The following MBOAT7 variants were observed in gnomAD, a reference collection of about 807,000 sequenced individuals.
The protein encoded by MBOAT7 is membrane-bound acylglycerophosphatidylinositol O-acyltransferase MBOAT7.
A neutral mutation model predicts 47.4 loss-of-function variants in MBOAT7; 40 were observed. The ratio of observed to expected loss-of-function variants is 0.84; its 90% CI spans 0.66 to 1.10. The LOEUF (loss-of-function observed/expected upper bound fraction) is 1.10, where lower values mean the gene tolerates loss of function less well. Among genes scored for constraint, MBOAT7 ranks in the 50% least tolerant of loss-of-function variants. MBOAT7 has a pLI of 0.00. For synonymous variants in MBOAT7, 361 were observed against 292.0 expected, an observed-to-expected ratio of 1.24 and a Z score of -2.41; for missense variants, 680 against 655.6, an observed-to-expected ratio of 1.04 and a Z score of -0.41.
chr19:54,181,071 G>A lies in MBOAT7; in HGVS notation c.556C>T (p.Pro186Ser). 1 of 1,530,276 alleles carries A rather than the reference G, an allele frequency of 6.5e-7. No individual in the cohort carries two copies. The highest frequency in any genetic ancestry group is 8.8e-7 in the Non-Finnish European group (1 of 1,138,508). The allele number at this position is 1,530,276 out of a possible 1,614,324, so 94.8% of individuals were successfully genotyped here. ...CGGCGCAGCAGGGGCCGCAGGCTGG[G>A]CACTGCCCCGGGGAAGGGCTGCTCC... ...WLEQPFPGAV[P>S]SLRPLLRRAW... Residue 186 changes from proline to serine, a missense_variant, in exon 6 of 8, where the codon CCC (proline) becomes TCC (serine). Coordinates refer to ENST00000245615, the MANE Select transcript of MBOAT7 (RefSeq NM_024298.5).
At position 54,180,462 on chromosome 19, in the gene MBOAT7, G is replaced by C; in HGVS notation, c.854+311C>G. ...GCAAGCAGGAACAATCTGGTTCTGG[G>C]GGGTGACACTTCTGTGGCAACAGAG... On this transcript the variant is annotated intron_variant, in intron 6 of 7. Coordinates refer to ENST00000245615, the MANE Select transcript of MBOAT7 (RefSeq NM_024298.5). The surrounding 1 kb of genome is among the most constrained non-coding windows in gnomAD (Gnocchi z 5.2). 1 of 328,656 alleles carries C rather than the reference G, an allele frequency of 3.0e-6. No individual in the cohort carries two copies. Among genetic ancestry groups the C allele is most frequent in the South Asian group, 8.9e-5 (1 of 11,188 alleles). 20.4% of individuals were successfully genotyped at this position (328,656 alleles called of 1,614,324 possible).
At chr19:54,177,180 C>CTAA (rs1297950412) in intron 7 of MBOAT7, among the ~76,000 whole-genome samples, 2 of 151,250 alleles carry the variant, frequency 1.3e-5, no homozygotes, top group Admixed American at 1.3e-4. Flanking sequence ...AATACTAATA[C>CTAA]TAATAATAAT....
In MBOAT7 at chr19:54,180,809, CCGGCCCGGGCTTTGG is replaced by C. The variant is rs1311339888; in HGVS notation, c.803_817del (p.Ala268_Ala272del). 6.4e-7 allele frequency: 1 copy of C among 1,561,096 alleles called. No homozygotes were observed. Among genetic ancestry groups the C allele is most frequent in the Admixed American group, 1.9e-5 (1 of 52,104 alleles). ...TGGGCATTGGAGGGTGGGGCCGCCT[CCGGCCCGGGCTTTGG>C]CGGCCACGGGGTAGGCCCCAAAGCC... On this transcript the variant is annotated inframe_deletion, in exon 6 of 8. Transcript: ENST00000245615. The surrounding 1 kb of genome is among the most constrained non-coding windows in gnomAD (Gnocchi z 5.2).
chr19:54,187,087 G>A, intron 4 of MBOAT7, 74 bp downstream of exon 4: 3 of 1,489,738 alleles, frequency 2.0e-6, no homozygotes, highest in Non-Finnish European at 2.7e-6. Context: ...GGGAGCCACT[G>A]AAGGGGGAGG....
At chr19:54,185,928 T>G (rs1369493687) in intron 4 of MBOAT7, among the ~76,000 whole-genome samples, 2 of 152,066 alleles carry the variant, frequency 1.3e-5, no homozygotes, top group Non-Finnish European at 2.9e-5. Context: ...ACTCCTAACC[T>G]CAGGTGATCT....
At chr19:54,175,785 T>G (rs7259243) in intron 7 of MBOAT7, among the ~76,000 whole-genome samples, 1 of 151,992 alleles carries the variant, frequency 6.6e-6, no homozygotes, top group Non-Finnish European at 1.5e-5. Flanking sequence ...AGTGCAGTGG[T>G]GCAATCTCGG....
chr19:54,174,553 C>T (rs906325213), intron 7 of MBOAT7, 122 bp from the exon 8 acceptor site: 4 of 1,037,026 alleles, frequency 3.9e-6, no homozygotes, highest in Non-Finnish European at 5.3e-6. Flanking sequence ...AGGCCCAGCC[C>T]CTCCTCCCTC....
rs1422813062 is a variant in MBOAT7 at position 54,181,118 on chromosome 19, T to C, written c.509A>G (p.Tyr170Cys). The C allele has an allele frequency of 6.8e-7, 1 of 1,480,976 alleles. No homozygotes were observed. 91.7% of individuals were successfully genotyped at this position (1,480,976 alleles called of 1,614,324 possible). The change falls in exon 6 of 8, where the codon TAC becomes TGC. Residue 170 changes from tyrosine (Y) to cysteine (C), a missense_variant. Physicochemically the swap from Tyr to Cys is radical, Grantham distance 194. Transcript: ENST00000245615. ...CTCCAGCCAGTCCAGGTAGGTGCGG[T>C]AGCGGAAGAACGGGCCTGTGGGGCG... is the stretch of plus-strand genomic sequence containing the variant. ...VGIMTGPFFR[Y>C]RTYLDWLEQP...
chr19:54,177,936 G>A (rs1293616225), intron 7 of MBOAT7, among the ~76,000 whole-genome samples: 22 of 70,654 alleles, frequency 3.1e-4, no homozygotes, highest in Non-Finnish European at 2.2e-4. Context: ...TTTTTGAGAC[G>A]GAGTCTCGCT....
rs1245680898 is a variant in MBOAT7, at chr19:54,174,183, G to A, written c.1280C>T (p.Ala427Val). 4 of 1,600,390 alleles carry A rather than the reference G, an allele frequency of 2.5e-6. No homozygotes were observed. Among genetic ancestry groups the A allele is most frequent in the East Asian group, 2.3e-5 (1 of 44,420 alleles). ...GAAGTGGATACAGAAGTAGATGGAG[G>A]CCCAGTACCGAAGGGTGTCGGCCAA... ...LSLADTLRYWASIYFCIHFLA... is the reference protein window; with the variant it reads ...LSLADTLRYWVSIYFCIHFLA... The change falls in exon 8 of 8, where the codon GCC becomes GTC. Residue 427 changes from alanine to valine, a missense_variant. Physicochemically the swap from Ala to Val is moderately conservative, Grantham distance 64. Transcript: ENST00000245615.
At chr19:54,178,474 C>T (rs2076170810) in intron 7 of MBOAT7, 9 of 1,330,620 alleles carry the variant, frequency 6.8e-6, no homozygotes, top group Middle Eastern at 5.6e-4. Context: ...ATAACCTGGA[C>T]GGCCAAGATT....
chr19:54,180,369 C>G lies in MBOAT7; in HGVS notation c.854+404G>C. 6.3e-6 allele frequency: 1 copy of G among 158,170 alleles called. No individual in the cohort carries two copies. Among genetic ancestry groups the G allele is most frequent in the Non-Finnish European group, 1.4e-5 (1 of 72,460 alleles). 9.8% of individuals were successfully genotyped at this position (158,170 alleles called of 1,614,324 possible). On this transcript the variant is annotated intron_variant, in intron 6 of 7. Coordinates refer to ENST00000245615, the MANE Select transcript of MBOAT7 (RefSeq NM_024298.5). The surrounding 1 kb of genome is among the most constrained non-coding windows in gnomAD (Gnocchi z 5.2). ...TGCTTCCCTAGCAAATAGTGGCGTTCTGTTGCTAGGGAACCGTTTCCCTAG... is the reference window on the plus strand; with the variant it reads ...TGCTTCCCTAGCAAATAGTGGCGTTGTGTTGCTAGGGAACCGTTTCCCTAG...
chr19:54,188,066 AAAG>A lies in MBOAT7; in HGVS notation c.206+148_206+150del. 909 of 548,830 alleles carry A rather than the reference AAAG, an allele frequency of 1.7e-3. 34 individuals are homozygous for A. The highest frequency in any genetic ancestry group is 3.2e-3 in the Middle Eastern group (6 of 1,856). 34.0% of individuals were successfully genotyped at this position (548,830 alleles called of 1,614,324 possible). A position where few individuals can be genotyped will look rare whatever the true frequency, so the allele number is the denominator to read the frequency against. On this transcript the variant is annotated intron_variant, in intron 3 of 7. Coordinates refer to ENST00000245615, the MANE Select transcript of MBOAT7 (RefSeq NM_024298.5). ...GAAAGAAAGAAAGAAAGAAAGAAAG[AAAG>A]ACAAACAAACAAACATGAAACAGAG... is the stretch of plus-strand genomic sequence containing the variant.
At position 54,174,094 on chromosome 19, in the gene MBOAT7, C is replaced by A; in HGVS notation, c.1369G>T (p.Ala457Ser). 6.2e-7 allele frequency: 1 copy of A among 1,607,074 alleles called. No individual in the cohort carries two copies. The highest frequency in any genetic ancestry group is 8.5e-7 in the Non-Finnish European group (1 of 1,177,478). Reference protein sequence around the residue: ...LGGGSPSRRKAASQPTSLAPE... With the variant: ...LGGGSPSRRKSASQPTSLAPE... Reference sequence around the variant, plus strand: ...GCAAGGCTGGTGGGCTGGGATGCTGCCTTCCGCCGGCTGGGGCTGCCCCCA... The same window carrying A: ...GCAAGGCTGGTGGGCTGGGATGCTGACTTCCGCCGGCTGGGGCTGCCCCCA... The change falls in exon 8 of 8, where the codon GCA becomes TCA. Residue 457 changes from alanine to serine, a missense_variant. Physicochemically the swap from Ala to Ser is moderately conservative, Grantham distance 99 (BLOSUM62 1). Transcript: ENST00000245615.
chr19:54,183,560 T>C lies in MBOAT7; in HGVS notation c.454A>G (p.Thr152Ala). 8 of 1,607,930 alleles carry C rather than the reference T, an allele frequency of 5.0e-6. No homozygotes were observed. The highest frequency in any genetic ancestry group is 6.8e-6 in the Non-Finnish European group (8 of 1,177,468). ...LLPDVPSLMETLSYSYCYVGI... is the reference protein window; with the variant it reads ...LLPDVPSLMEALSYSYCYVGI... ...ACGTAGCAGTAGCTGTAGCTGAGTG[T>C]CTCCATCAGGGAGGGCACGTCGGGC... Residue 152 changes from threonine to alanine, a missense_variant, in exon 5 of 8, where the codon ACA becomes GCA. Coordinates refer to ENST00000245615, the MANE Select transcript of MBOAT7 (RefSeq NM_024298.5).
chr19:54,183,454 C>A (rs1600664174), intron 5 of MBOAT7, 67 bp downstream of exon 5: 8 of 1,558,646 alleles, frequency 5.1e-6, no homozygotes, highest in East Asian at 2.4e-5. Context: ...GAACACAGAA[C>A]AGGCACTCAG....
rs542691250 is a variant in MBOAT7 at position 54,185,987 on chromosome 19, G to A, written c.333+1174C>T. On this transcript the variant is annotated intron_variant, in intron 4 of 7. Transcript: ENST00000245615. ...CTGGGATTACAGGCGTGAGCCACCC[G>A]CAGCTGGCCTAGAATGAGTATTTCT... Among the ~76,000 whole-genome samples the A allele has an allele frequency of 7.8e-5, 11 of 140,966 alleles. No individual in the cohort carries two copies. The South Asian group carries it at 2.0e-3, about 26-fold the overall frequency. 92.5% of individuals were successfully genotyped at this position (140,966 alleles called of 152,430 possible).
chr19:54,178,276 T>C, intron 7 of MBOAT7: 1 of 996,972 alleles, frequency 1.0e-6, no homozygotes, highest in Non-Finnish European at 1.2e-6. Context: ...CGAGAAATAT[T>C]GGAAGAATGA....
chr19:54,184,929 G>C (rs889280331), intron 4 of MBOAT7, among the ~76,000 whole-genome samples: 1 of 137,778 alleles, frequency 7.3e-6, no homozygotes, highest in African/African-American at 2.7e-5. Context: ...AAAATTTAGG[G>C]CCAGGTGTGA....
Sources: gnomAD v4.1 joint callset for allele counts (sites outside exome capture counted in the v4.1 genomes callset) on GRCh38, gnomAD v4.1.1 for gene constraint, Gnocchi (gnomAD v3.1) non-coding constraint, MANE v1.5 for transcripts, NCBI Gene and HGNC (gene_info 2026-07-23, HGNC 2026-07-21) for gene names.